POU6F2: variants seen among roughly 807,000 people sequenced by gnomAD.
POU6F2 encodes the protein POU class 6 homeobox 2, also known as POU domain, class 6, transcription factor 2.
In POU6F2, 31 loss-of-function variants were observed where a neutral mutation model predicts 71.3. That is an observed-to-expected ratio of 0.43 (90% CI 0.33 to 0.59). The LOEUF (loss-of-function observed/expected upper bound fraction) is 0.59, where lower values mean the gene tolerates loss of function less well. Among genes scored for constraint, POU6F2 ranks in the 20% least tolerant of loss-of-function variants. The pLI, the probability that POU6F2 is intolerant of heterozygous loss-of-function variation, is 0.04. For synonymous variants in POU6F2, 347 were observed against 355.7 expected (o/e 0.98, Z 0.27); for missense variants, 783 against 856.8 (o/e 0.91, Z 1.07).
chr7:39,185,573 T>C (rs1793516355), intron 2 of POU6F2, among the ~76,000 whole-genome samples: 1 of 152,088 alleles, frequency 6.6e-6, no homozygotes, highest in Admixed American at 6.6e-5. Flanking sequence ...CTGGTAGACA[T>C]GTAGGGGAAT....
intron 1 of POU6F2, among the ~76,000 whole-genome samples, chr7:39,075,885 C>T (rs182177187): frequency 9.8e-4 from 150 of 152,340 alleles, no homozygotes; most frequent in Non-Finnish European, 1.8e-3. Context: ...CAACTTCAGT[C>T]CTGGGGGAAA....
At chr7:39,339,597 C>T (rs2115613973) in intron 4 of POU6F2, 45 bp from the exon 5 acceptor site, 1 of 1,540,630 alleles carries the variant, frequency 6.5e-7, no homozygotes, top group Non-Finnish European at 8.7e-7. Flanking sequence ...CAGCAAGACA[C>T]TTTGTCATGT....
Position 39,091,701 on chromosome 7 carries a change from C to G in POU6F2, c.277+5670C>G, listed in dbSNP as rs191444379. 3.2e-3 allele frequency among the ~76,000 whole-genome samples: 488 copies of G among 152,260 alleles called. 1 individual carries two copies. The highest frequency in any genetic ancestry group is 5.1e-3 in the Non-Finnish European group (348 of 68,010). ...GAGGTGCATTCCAGATTCAAGCTCC[C>G]AAGGCTCAGCCCTTAAGAAGATTGC... On this transcript the variant is annotated intron_variant, in intron 2 of 9. Coordinates refer to ENST00000518318, the MANE Select transcript of POU6F2 (RefSeq NM_001370959.1).
chr7:39,019,181 CTTTAT>C (rs1789624224), intron 1 of POU6F2, among the ~76,000 whole-genome samples: 1 of 152,250 alleles, frequency 6.6e-6, no homozygotes, highest in African/African-American at 2.4e-5. Context: ...CTGAAAATGA[CTTTAT>C]TTTGTCTCTA....
chr7:38,982,340 A>G (rs1788341018), intron 1 of POU6F2, among the ~76,000 whole-genome samples: 1 of 152,166 alleles, frequency 6.6e-6, no homozygotes, highest in Non-Finnish European at 1.5e-5. Flanking sequence ...TCCCCAAGGT[A>G]TTATGGATGG....
At chr7:39,432,149 TC>T (rs1321321654) in intron 6 of POU6F2, among the ~76,000 whole-genome samples, 1 of 152,142 alleles carries the variant, frequency 6.6e-6, no homozygotes, top group Non-Finnish European at 1.5e-5. Flanking sequence ...GTTTTTCTAT[TC>T]ATGGTGCCTT....
At chr7:39,187,346 T>C (rs1368953793) in intron 2 of POU6F2, among the ~76,000 whole-genome samples, 1 of 152,206 alleles carries the variant, frequency 6.6e-6, no homozygotes, top group Non-Finnish European at 1.5e-5. Flanking sequence ...CGCCTGCCTG[T>C]TCCACCCCAA....
At chr7:39,416,031 C>G (rs1186121682) in intron 6 of POU6F2, among the ~76,000 whole-genome samples, 1 of 151,556 alleles carries the variant, frequency 6.6e-6, no homozygotes, top group African/African-American at 2.4e-5. Flanking sequence ...CTTCATTTCT[C>G]CATCTGCAAA....
At chr7:39,009,757 T>A (rs1015789085) in intron 1 of POU6F2, among the ~76,000 whole-genome samples, 51 of 151,432 alleles carry the variant, frequency 3.4e-4, no homozygotes, top group Non-Finnish European at 7.2e-4. Flanking sequence ...TGTCAAAGGC[T>A]TTTTCTGCAT....
intron 4 of POU6F2, among the ~76,000 whole-genome samples, chr7:39,283,887 G>A (rs7790521): frequency 0.28 from 41,913 of 152,048 alleles, 6,631 homozygotes; most frequent in African/African-American, 0.43. Flanking sequence ...AGTGTGACAC[G>A]TGCATTATTA....
chr7:39,173,194 T>A (rs1243987693), intron 2 of POU6F2, among the ~76,000 whole-genome samples: 1 of 152,246 alleles, frequency 6.6e-6, no homozygotes, highest in Non-Finnish European at 1.5e-5. Flanking sequence ...TTAACACATA[T>A]CTGTTTTCAG....
intron 4 of POU6F2, among the ~76,000 whole-genome samples, chr7:39,275,790 A>G: frequency 2.0e-5 from 3 of 150,300 alleles, no homozygotes; most frequent in Admixed American, 1.3e-4. Flanking sequence ...TGAGAAAAAC[A>G]AGCAATGGGG....
At chr7:39,155,288 C>T (rs537700750) in intron 2 of POU6F2, among the ~76,000 whole-genome samples, 3 of 150,662 alleles carry the variant, frequency 2.0e-5, no homozygotes, top group South Asian at 2.1e-4. Context: ...AGTCCTAAAG[C>T]TTTTTTTTTC....
chr7:39,229,798 G>A (rs1353841648), intron 4 of POU6F2, among the ~76,000 whole-genome samples: 2 of 152,190 alleles, frequency 1.3e-5, no homozygotes, highest in Non-Finnish European at 2.9e-5. Context: ...TAAACAATGT[G>A]TGTAATCCTG....
rs11974523 is a variant in POU6F2, at chr7:39,282,256, G to T, written c.599-57386G>T. On this transcript the variant is annotated intron_variant, in intron 4 of 9. Coordinates refer to ENST00000518318, the MANE Select transcript of POU6F2 (RefSeq NM_001370959.1). ...CCGTAGGTTGTCTCTTCACTCTGTT[G>T]ATTATTTCCTTTTCTGTGCAGAAGC... 4.7e-3 allele frequency among the ~76,000 whole-genome samples: 715 copies of T among 152,198 alleles called. 7 individuals are homozygous for T. The highest frequency in any genetic ancestry group is 0.017 in the African/African-American group (694 of 41,530).
At chr7:39,125,836 G>T (rs1387746001) in intron 2 of POU6F2, among the ~76,000 whole-genome samples, 1 of 152,092 alleles carries the variant, frequency 6.6e-6, no homozygotes, top group Non-Finnish European at 1.5e-5. Flanking sequence ...ATCCACAGGA[G>T]CTGGACCTAA....
chr7:39,337,057 G>T (rs1332403082), intron 4 of POU6F2, among the ~76,000 whole-genome samples: 1 of 152,122 alleles, frequency 6.6e-6, no homozygotes, highest in Non-Finnish European at 1.5e-5. Flanking sequence ...ATGTGTAGGG[G>T]TTTACTGAGG....
chr7:39,365,796 G>C (rs979683483), intron 5 of POU6F2, among the ~76,000 whole-genome samples: 1 of 152,238 alleles, frequency 6.6e-6, no homozygotes, highest in Non-Finnish European at 1.5e-5. Flanking sequence ...GGTCTGAAGA[G>C]AAGCAAGAAG....
chr7:39,227,287 C>T (rs867603768), intron 4 of POU6F2, among the ~76,000 whole-genome samples: 2 of 151,466 alleles, frequency 1.3e-5, no homozygotes, highest in African/African-American at 2.4e-5. Context: ...TTTTTTCCAT[C>T]GAGTTTTGTT....
Sources: allele counts gnomAD v4.1 joint callset (sites outside exome capture counted in the v4.1 genomes callset), GRCh38; gene constraint gnomAD v4.1.1; transcripts MANE v1.5; gene names NCBI Gene and HGNC (gene_info 2026-07-23, HGNC 2026-07-21).